The following KCNIP4 variants were observed in gnomAD, a reference collection of about 807,000 sequenced individuals.
KCNIP4 encodes potassium voltage-gated channel interacting protein 4, also known as Kv channel-interacting protein 4.
KCNIP4 carries 12 observed loss-of-function variants against 34.0 expected under a neutral mutation model. The observed-to-expected ratio is 0.35, with a 90% CI of 0.23 to 0.57. The LOEUF is 0.57. KCNIP4 is among the 20% of genes least tolerant of loss of function. The pLI is 0.83. For synonymous variants in KCNIP4, 124 were observed against 102.2 expected (o/e 1.21, Z -1.29); for missense variants, 238 against 311.7 (o/e 0.76, Z 1.78).
At chr4:20,760,650 C>T (rs1427361910) in intron 3 of KCNIP4, among the ~76,000 whole-genome samples, 1 of 152,098 alleles carries the variant, frequency 6.6e-6, no homozygotes, top group Non-Finnish European at 1.5e-5. Flanking sequence ...TAGCTGCATT[C>T]ACAGAGGCAG....
At chr4:20,756,398 CTCTTT>C (rs1387701456) in intron 4 of KCNIP4, among the ~76,000 whole-genome samples, 3 of 152,234 alleles carry the variant, frequency 2.0e-5, no homozygotes, top group African/African-American at 7.2e-5. Flanking sequence ...TCCTATTTAT[CTCTTT>C]TCTTTTCTAT....
intron 1 of KCNIP4, among the ~76,000 whole-genome samples, chr4:21,087,591 T>A (rs960518503): frequency 1.3e-5 from 2 of 152,092 alleles, no homozygotes; most frequent in African/African-American, 2.4e-5. Context: ...CCTGGCCAGG[T>A]GACAGACTCT....
chr4:21,176,468 G>GA (rs1754418885), intron 1 of KCNIP4, among the ~76,000 whole-genome samples: 1 of 152,250 alleles, frequency 6.6e-6, no homozygotes, highest in East Asian at 1.9e-4. Context: ...TAAAAAAATG[G>GA]AAAATCACTG....
chr4:20,863,867 G>C (rs1722471782), intron 2 of KCNIP4, among the ~76,000 whole-genome samples: 1 of 151,996 alleles, frequency 6.6e-6, no homozygotes, highest in Non-Finnish European at 1.5e-5. Flanking sequence ...AACGAAGGAA[G>C]AAAAAGAGCA....
In KCNIP4 at chr4:20,868,816, A is replaced by G. The variant is rs1027366295; in HGVS notation, c.163+13792T>C. On this transcript the variant is annotated intron_variant, in intron 2 of 8. Transcript: ENST00000382152. ...GCATGGAAATAAATATGGGAACAGT[A>G]GACACTACAGACTACTGGGAAGGCG... Among the ~76,000 whole-genome samples, 2 of 152,256 alleles carry G rather than the reference A, an allele frequency of 1.3e-5. 1 individual carries two copies.
intron 1 of KCNIP4, among the ~76,000 whole-genome samples, chr4:21,282,222 G>T (rs983453824): frequency 1.3e-5 from 2 of 152,028 alleles, no homozygotes; most frequent in Admixed American, 6.6e-5. Flanking sequence ...TATGTTATTT[G>T]TTATTTTTCT....
intron 1 of KCNIP4, among the ~76,000 whole-genome samples, chr4:21,740,286 A>G (rs1196978545): frequency 2.0e-5 from 3 of 152,136 alleles, no homozygotes; most frequent in Non-Finnish European, 4.4e-5. Flanking sequence ...ATTGTATTCT[A>G]TAGAAGAAAC....
At position 21,304,897 on chromosome 4, in the gene KCNIP4, A is replaced by G. The variant is rs1215293618; in HGVS notation, c.62-422188T>C. Among the ~76,000 whole-genome samples the G allele has an allele frequency of 3.3e-5, 5 of 152,296 alleles. No homozygotes were observed. In the East Asian group the frequency reaches 5.8e-4, roughly 18 times the overall value. On this transcript the variant is annotated intron_variant, in intron 1 of 8. Coordinates refer to ENST00000382152, the MANE Select transcript of KCNIP4 (RefSeq NM_025221.6). ...CCATTCAATACACCAAAATATATAC[A>G]GTATTTAATGTGTCCTTCTATCCTT...
At chr4:21,176,548 C>G (rs1037136530) in intron 1 of KCNIP4, among the ~76,000 whole-genome samples, 5 of 152,086 alleles carry the variant, frequency 3.3e-5, no homozygotes, top group African/African-American at 1.2e-4. Flanking sequence ...ATGGAGTTTT[C>G]ACTCTTATTG....
At chr4:21,462,797 G>A (rs868840614) in intron 1 of KCNIP4, among the ~76,000 whole-genome samples, 3 of 137,612 alleles carry the variant, frequency 2.2e-5, no homozygotes, top group African/African-American at 8.4e-5. Flanking sequence ...GTGTGTGTGT[G>A]TGTGTGTGTA....
At chr4:20,818,989 A>C (rs1716769638) in intron 3 of KCNIP4, among the ~76,000 whole-genome samples, 1 of 137,328 alleles carries the variant, frequency 7.3e-6, no homozygotes, top group Admixed American at 8.0e-5. Flanking sequence ...AGTTCAAGCG[A>C]TTCTCCTGCC....
In KCNIP4 at chr4:21,115,689, AT is replaced by A. The variant is rs147792765; in HGVS notation, c.62-232981del. Among the ~76,000 whole-genome samples, 534 of 152,274 alleles carry A rather than the reference AT, an allele frequency of 3.5e-3. 1 individual carries two copies. Among genetic ancestry groups the A allele is most frequent in the African/African-American group, 0.013 (522 of 41,556 alleles). On this transcript the variant is annotated intron_variant, in intron 1 of 8. Transcript: ENST00000382152. The stretch of plus-strand genomic sequence containing the variant: ...AGACAGATCAATAATGATAAATTGG[AT>A]TTTTAGCCTTTGGGAATAAATGGGG...
intron 1 of KCNIP4, among the ~76,000 whole-genome samples, chr4:21,327,952 C>T (rs1392292868): frequency 6.6e-6 from 1 of 151,852 alleles, no homozygotes; most frequent in African/African-American, 2.4e-5. Flanking sequence ...TTTCTGAATT[C>T]CTTCTCTGGG....
At chr4:20,839,531 C>T (rs1719477034) in intron 3 of KCNIP4, among the ~76,000 whole-genome samples, 1 of 147,744 alleles carries the variant, frequency 6.8e-6, no homozygotes, top group South Asian at 2.2e-4. Context: ...TTTTCAAAAG[C>T]AAATTTATAT....
In KCNIP4 at chr4:21,443,997, C is replaced by T. The variant is rs541221267; in HGVS notation, c.61+504574G>A. 2.0e-5 allele frequency among the ~76,000 whole-genome samples: 3 copies of T among 152,248 alleles called. No individual in the cohort carries two copies. The East Asian group carries it at 5.8e-4, about 29-fold the overall frequency. On this transcript the variant is annotated intron_variant, in intron 1 of 8. Transcript: ENST00000382152. ...TACCATCAGAGAATACTATAAACAC[C>T]TCTATGCAAATAAACTAGAAAATCT...
Position 21,752,770 on chromosome 4 carries a change from A to T in KCNIP4, c.61+195801T>A, listed in dbSNP as rs180866249. Among the ~76,000 whole-genome samples, 1,330 of 152,258 alleles carry T rather than the reference A, an allele frequency of 8.7e-3. 19 individuals are homozygous for T. The highest frequency in any genetic ancestry group is 0.038 in the South Asian group (184 of 4,818). ...TACTAGGATTTTGTTTTGTTTTGTT[A>T]TAGCTAGGCTAAATCCCACCCATTC... is the stretch of plus-strand genomic sequence containing the variant. On this transcript the variant is annotated intron_variant, in intron 1 of 8. Coordinates refer to ENST00000382152, the MANE Select transcript of KCNIP4 (RefSeq NM_025221.6).
chr4:20,845,613 C>G (rs1303855417), intron 3 of KCNIP4, among the ~76,000 whole-genome samples: 1 of 152,146 alleles, frequency 6.6e-6, no homozygotes, highest in African/African-American at 2.4e-5. Flanking sequence ...GCACATAACA[C>G]AGAGGTGATG....
At chr4:21,398,469 G>C (rs1167132491) in intron 1 of KCNIP4, among the ~76,000 whole-genome samples, 1 of 152,184 alleles carries the variant, frequency 6.6e-6, no homozygotes, top group Non-Finnish European at 1.5e-5. Context: ...TTATTCCTCT[G>C]AGGGTTCAGT....
At chr4:21,838,274 G>A (rs1400103243) in intron 1 of KCNIP4, among the ~76,000 whole-genome samples, 3 of 152,252 alleles carry the variant, frequency 2.0e-5, no homozygotes, top group Non-Finnish European at 4.4e-5. Flanking sequence ...AAAAAGTCCG[G>A]AGGCCAGAGT....
Sources: gnomAD v4.1 joint callset for allele counts (sites outside exome capture counted in the v4.1 genomes callset) on GRCh38, gnomAD v4.1.1 for gene constraint, MANE v1.5 for transcripts, NCBI Gene and HGNC (gene_info 2026-07-23, HGNC 2026-07-21) for gene names.